PCDHA6: variants seen among roughly 807,000 people sequenced by gnomAD.
PCDHA6 encodes the protein protocadherin alpha 6.
A neutral mutation model predicts 60.3 loss-of-function variants in PCDHA6; 55 were observed. The ratio of observed to expected loss-of-function variants is 0.91; its 90% confidence interval spans 0.73 to 1.14. PCDHA6 has a LOEUF of 1.14. Ranked by LOEUF, PCDHA6 falls within the 50% of genes most tolerant of loss-of-function variation. The pLI is 0.00. For synonymous variants in PCDHA6, 652 were observed against 557.9 expected (o/e 1.17, Z -2.38); for missense variants, 1,327 against 1,256.5 (o/e 1.06, Z -0.85).
intron 1 of PCDHA6, among the ~76,000 whole-genome samples, chr5:140,898,111 T>C (rs1319791706): frequency 6.6e-6 from 1 of 152,184 alleles, no homozygotes; most frequent in Non-Finnish European, 1.5e-5. Context: ...ATGAGTAGGT[T>C]GCGAAAATTT....
At chr5:140,947,086 CTG>C (rs1554218047) in intron 1 of PCDHA6, among the ~76,000 whole-genome samples, 1 of 151,518 alleles carries the variant, frequency 6.6e-6, no homozygotes, top group African/African-American at 2.4e-5. Context: ...AAACATCAGA[CTG>C]TAGCCCATAA....
rs1554131868 is a variant in PCDHA6, at chr5:140,829,290, C to T, written c.1199C>T (p.Thr400Ile). The change falls in exon 1 of 4, where the codon ACC becomes ATC. Residue 400 changes from threonine (T) to isoleucine (I), a missense_variant. Thr to Ile is a moderately conservative substitution (Grantham distance 89, BLOSUM62 -1). Coordinates refer to ENST00000529310, the MANE Select transcript of PCDHA6 (RefSeq NM_018909.4). ...CACGTCCCTTTCAAGCTGGTGTCCACCTTCAAGAATTACTACTCGTTGGTG... is the reference window on the plus strand; with the variant it reads ...CACGTCCCTTTCAAGCTGGTGTCCATCTTCAAGAATTACTACTCGTTGGTG... Reference protein sequence around the residue: ...TPHVPFKLVSTFKNYYSLVLD... With the variant: ...TPHVPFKLVSIFKNYYSLVLD... 1 of 1,614,136 alleles carries T rather than the reference C, an allele frequency of 6.2e-7. No homozygotes were observed. The highest frequency in any genetic ancestry group is 1.3e-5 in the African/African-American group (1 of 74,958).
At chr5:140,871,062 C>T (rs1434880600) in intron 1 of PCDHA6, 2 of 1,613,102 alleles carry the variant, frequency 1.2e-6, no homozygotes, top group African/African-American at 2.7e-5. Context: ...TGAAGGATCA[C>T]GGTGAGCCGG....
intron 1 of PCDHA6, among the ~76,000 whole-genome samples, chr5:140,873,979 T>C (rs1210499789): frequency 6.6e-6 from 1 of 152,156 alleles, no homozygotes; most frequent in Non-Finnish European, 1.5e-5. Context: ...AAAATTAAAG[T>C]TCCTTAGCAT....
chr5:140,942,590 A>G (rs868979857), intron 1 of PCDHA6, among the ~76,000 whole-genome samples: 1 of 148,658 alleles, frequency 6.7e-6, no homozygotes, highest in Admixed American at 6.8e-5. Context: ...GATGTCACAT[A>G]TAATTATAGT....
intron 1 of PCDHA6, among the ~76,000 whole-genome samples, chr5:140,976,011 CTAAA>C (rs2096695708): frequency 6.6e-6 from 1 of 152,110 alleles, no homozygotes; most frequent in African/African-American, 2.4e-5. Context: ...TATTAAAGAA[CTAAA>C]TAATCACAGT....
chr5:140,850,193 G>C (rs2150472370), intron 1 of PCDHA6: 2 of 1,593,662 alleles, frequency 1.3e-6, no homozygotes. Flanking sequence ...CGGCGCTGCT[G>C]ACACCTCGGA....
intron 1 of PCDHA6, among the ~76,000 whole-genome samples, chr5:140,891,720 T>C (rs1159192046): frequency 2.0e-5 from 3 of 152,170 alleles, no homozygotes; most frequent in African/African-American, 4.8e-5. Context: ...CCCAAATTCA[T>C]GTGTTGAAAA....
chr5:140,850,927 T>C, intron 1 of PCDHA6: 1 of 1,521,264 alleles, frequency 6.6e-7, no homozygotes, highest in Non-Finnish European at 8.8e-7. Flanking sequence ...TATATAATTT[T>C]TTTTCTTGAA....
At chr5:140,952,961 A>G (rs531904047) in intron 1 of PCDHA6, among the ~76,000 whole-genome samples, 1 of 152,158 alleles carries the variant, frequency 6.6e-6, no homozygotes, top group East Asian at 1.9e-4. Context: ...GGGAAGTGAT[A>G]CACACTTTTA....
intron 1 of PCDHA6, among the ~76,000 whole-genome samples, chr5:140,948,351 A>C (rs951541212): frequency 6.6e-6 from 1 of 151,646 alleles, no homozygotes; most frequent in African/African-American, 2.4e-5. Flanking sequence ...TTCTAACCTA[A>C]TAAAATGACT....
intron 1 of PCDHA6, among the ~76,000 whole-genome samples, chr5:140,855,674 A>G (rs1431720219): frequency 1.3e-5 from 2 of 149,852 alleles, no homozygotes; most frequent in Non-Finnish European, 3.0e-5. Context: ...CTACTCTGAG[A>G]GTCTACATTT....
At position 140,830,427 on chromosome 5, in the gene PCDHA6, G is replaced by A; in HGVS notation, c.2336G>A (p.Cys779Tyr). ...GCCTTTAGCCCCAGCCTTTCACCTT[G>A]TCCTATTATGATGGGTAAGGCGGAG... The part of the protein sequence containing the change: ...LMAFSPSLSP[C>Y]PIMMGKAENQ... The change falls in exon 1 of 4, where the codon TGT becomes TAT. Residue 779 changes from cysteine to tyrosine, a missense_variant. Coordinates refer to ENST00000529310, the MANE Select transcript of PCDHA6 (RefSeq NM_018909.4). The A allele has an allele frequency of 6.2e-7, 1 of 1,613,868 alleles. No individual in the cohort carries two copies. The highest frequency in any genetic ancestry group is 8.5e-7 in the Non-Finnish European group (1 of 1,179,756).
At position 140,828,136 on chromosome 5, in the gene PCDHA6, C is replaced by A. The variant is rs936364862; in HGVS notation, c.45C>A (p.Leu15=). The A allele has an allele frequency of 1.9e-6, 3 of 1,613,852 alleles. No individual in the cohort carries two copies. The highest frequency in any genetic ancestry group is 2.5e-6 in the Non-Finnish European group (3 of 1,179,830). The stretch of plus-strand genomic sequence containing the variant: ...ATAGATTGGGAAAGCAATGTCTGCT[C>A]CTCCCGCTTCTGCTCCTCGCAGCCT... ...PEDRLGKQCL[L]LPLLLLAAWK... is the part of the protein sequence containing the mutation. Residue 15 remains leucine (L), a synonymous_variant, in exon 1 of 4, where the codon CTC becomes CTA. Transcript: ENST00000529310.
chr5:140,965,493 C>A (rs1214376252), intron 1 of PCDHA6, among the ~76,000 whole-genome samples: 1 of 147,046 alleles, frequency 6.8e-6, no homozygotes, highest in African/African-American at 2.5e-5. Flanking sequence ...TTAATGACAG[C>A]AGATTTTTTT....
intron 1 of PCDHA6, chr5:140,857,586 G>A: frequency 6.3e-7 from 1 of 1,596,656 alleles, no homozygotes; most frequent in Non-Finnish European, 8.6e-7. Flanking sequence ...CACGCGGAGA[G>A]CGGCAAGGTG....
chr5:140,850,139 C>G (rs2041373469), intron 1 of PCDHA6: 1 of 1,595,636 alleles, frequency 6.3e-7, no homozygotes, highest in African/African-American at 1.3e-5. Context: ...TGGGCAGCAA[C>G]GTGACGCTGC....
intron 1 of PCDHA6, among the ~76,000 whole-genome samples, chr5:140,925,577 C>T (rs931426226): frequency 2.6e-5 from 4 of 151,714 alleles, no homozygotes; most frequent in Non-Finnish European, 5.9e-5. Context: ...AGCACACCAA[C>T]ATGGCGCATG....
intron 1 of PCDHA6, chr5:140,842,186 G>A (rs2150331306): frequency 1.3e-5 from 21 of 1,613,692 alleles, no homozygotes; most frequent in Middle Eastern, 1.6e-4. Flanking sequence ...TGAAACTATG[G>A]TTATTGACCA....
Sources: gnomAD v4.1 joint callset for allele counts (sites outside exome capture counted in the v4.1 genomes callset) on GRCh38, gnomAD v4.1.1 for gene constraint, MANE v1.5 for transcripts, NCBI Gene and HGNC (gene_info 2026-07-23, HGNC 2026-07-21) for gene names.